The following ZXDC variants were observed in gnomAD, a reference collection of about 807,000 sequenced individuals.
ZXDC encodes ZXD family zinc finger C.
ZXDC carries 58 observed loss-of-function variants against 63.6 expected under a neutral mutation model. That is an observed-to-expected ratio of 0.91 (90% CI 0.74 to 1.13). ZXDC has a LOEUF of 1.13. Among genes scored for constraint, ZXDC ranks in the 50% most tolerant of loss-of-function variants. The pLI is 0.00. For missense variants in ZXDC, 1,133 were observed against 1,148.9 expected (o/e 0.99, Z 0.20); for synonymous variants, 561 against 496.1 (o/e 1.13, Z -1.74).
In ZXDC at chr3:126,464,649, C is replaced by T. The variant is rs143893833; in HGVS notation, c.1441+1506G>A. Among the ~76,000 whole-genome samples the T allele has an allele frequency of 5.7e-3, 860 of 152,150 alleles. 5 individuals are homozygous for T. Among genetic ancestry groups the T allele is most frequent in the Middle Eastern group, 0.044 (13 of 294 alleles). The stretch of plus-strand genomic sequence containing the variant: ...CATCTAGTATAACACTGGGCCTCTG[C>T]AGACTTCTCAATTGGCCAGGTCAGG... On this transcript the variant is annotated intron_variant, in intron 5 of 9. Coordinates refer to ENST00000389709, the MANE Select transcript of ZXDC (RefSeq NM_025112.5).
chr3:126,460,135 G>C (rs144596331), intron 6 of ZXDC: 18 of 985,406 alleles, frequency 1.8e-5, no homozygotes, highest in Non-Finnish European at 2.0e-5. Flanking sequence ...TGGCAGGCCC[G>C]GGGCAGGTCC....
intron 7 of ZXDC, chr3:126,450,146 G>C (rs1934040909): frequency 2.8e-6 from 1 of 359,068 alleles, no homozygotes; most frequent in African/African-American, 2.1e-5. Context: ...CAAGGGGTCT[G>C]AGACCCTCAC....
intron 7 of ZXDC, chr3:126,457,480 C>T (rs537603362): frequency 3.0e-6 from 3 of 985,420 alleles, no homozygotes; most frequent in Non-Finnish European, 3.6e-6. Flanking sequence ...TGACAGCAGC[C>T]TCACCCTCAC....
Position 126,459,252 on chromosome 3 carries a change from T to C in ZXDC, c.2212+401A>G, listed in dbSNP as rs954579916. On this transcript the variant is annotated intron_variant, in intron 7 of 9. Transcript: ENST00000389709. ...CCACAGGACACACAGTTTGGCTCCA[T>C]GTACACGTACCTGGGGACAGTGGCA... 3 of 985,308 alleles carry C rather than the reference T, an allele frequency of 3.0e-6. No homozygotes were observed. In the African/African-American group the frequency reaches 5.2e-5, roughly 17 times the overall value. The allele number at this position is 985,308 out of a possible 1,614,324, so 61.0% of individuals were successfully genotyped here.
rs1037501527 is a variant in ZXDC, at chr3:126,475,452, C to G, written c.414G>C (p.Val138=). The change falls in exon 1 of 10, where the codon GTG becomes GTC. Residue 138 remains valine, a synonymous_variant. Transcript: ENST00000389709. The part of the protein sequence containing the change: ...AVTISSQDLL[V]RLDRGVLALS... ...GCGCGAGGACGCCGCGGTCGAGACG[C>G]ACCAGCAGGTCCTGGCTGCTGATGG... 2.5e-6 allele frequency: 3 copies of G among 1,200,288 alleles called. No individual in the cohort carries two copies. The African/African-American group carries it at 4.8e-5, about 19-fold the overall frequency. The allele number at this position is 1,200,288 out of a possible 1,614,324, so 74.4% of individuals were successfully genotyped here. A position where few individuals can be genotyped will look rare whatever the true frequency, so the allele number is the denominator to read the frequency against.
intron 7 of ZXDC, chr3:126,453,025 TGAGA>T (rs1934167499): frequency 1.0e-6 from 1 of 985,290 alleles, no homozygotes. Context: ...GCTCTCTTTC[TGAGA>T]GATACCCTTG....
chr3:126,448,348 T>C (rs765069565), intron 7 of ZXDC, among the ~76,000 whole-genome samples: 1 of 152,234 alleles, frequency 6.6e-6, no homozygotes, highest in Non-Finnish European at 1.5e-5. Flanking sequence ...TTACAGCTGC[T>C]GGCTGGTGCG....
chr3:126,456,192 C>G (rs1040771818), intron 7 of ZXDC, among the ~76,000 whole-genome samples: 9 of 152,228 alleles, frequency 5.9e-5, no homozygotes, highest in Non-Finnish European at 1.5e-5. Context: ...TAAAGAGAAA[C>G]AGGGCACTTG....
At position 126,475,859 on chromosome 3, in the gene ZXDC, G is replaced by A. The variant is rs1176368755; in HGVS notation, c.7C>T (p.Leu3Phe). ...GTCGGGGCGGGGAGCAGCGCCGGGA[G>A]GTCCATCTTGGTCCCAGCGACGGCG... MD[L>F]PALLPAPTAR... The change falls in exon 1 of 10, where the codon CTC becomes TTC. Residue 3 changes from leucine to phenylalanine, a missense_variant. Leu to Phe is a conservative substitution (Grantham distance 22, BLOSUM62 0). Coordinates refer to ENST00000389709, the MANE Select transcript of ZXDC (RefSeq NM_025112.5). The A allele has an allele frequency of 1.9e-6, 2 of 1,076,114 alleles. No individual in the cohort carries two copies. Among genetic ancestry groups the A allele is most frequent in the Non-Finnish European group, 2.2e-6 (2 of 889,364 alleles). The allele number at this position is 1,076,114 out of a possible 1,614,324, so 66.7% of individuals were successfully genotyped here.
intron 7 of ZXDC, among the ~76,000 whole-genome samples, chr3:126,448,813 C>T (rs55715618): frequency 6.6e-6 from 1 of 151,036 alleles, no homozygotes; most frequent in South Asian, 2.1e-4. Flanking sequence ...GGCCCTGCCT[C>T]GCTCCACACA....
chr3:126,450,248 T>A, intron 7 of ZXDC: 1 of 434,588 alleles, frequency 2.3e-6, no homozygotes. Context: ...CAACCTTGGA[T>A]GCGTAAGGGT....
At position 126,439,829 on chromosome 3, in the gene ZXDC, A is replaced by G. The variant is rs1049784588; in HGVS notation, c.2395-102T>C. On this transcript the variant is annotated intron_variant, in intron 8 of 9. Coordinates refer to ENST00000389709, the MANE Select transcript of ZXDC (RefSeq NM_025112.5). ...TCCTCCAGCTGCAATGCGTGGCAGAACCAGCCCACCCCCTGTATTCCAAGG... is the reference window on the plus strand; with the variant it reads ...TCCTCCAGCTGCAATGCGTGGCAGAGCCAGCCCACCCCCTGTATTCCAAGG... 3.4e-6 allele frequency: 5 copies of G among 1,464,650 alleles called. No individual in the cohort carries two copies. The African/African-American group carries it at 4.2e-5, about 12-fold the overall frequency. 90.7% of individuals were successfully genotyped at this position (1,464,650 alleles called of 1,614,324 possible). A position where few individuals can be genotyped will look rare whatever the true frequency, so the allele number is the denominator to read the frequency against.
chr3:126,453,546 G>A (rs1934192126), intron 7 of ZXDC: 25 of 985,434 alleles, frequency 2.5e-5, no homozygotes, highest in Non-Finnish European at 2.8e-5. Flanking sequence ...ACCCTCACAT[G>A]TAATCCACAA....
chr3:126,460,831 G>A, intron 6 of ZXDC: 1 of 985,284 alleles, frequency 1.0e-6, no homozygotes, highest in Non-Finnish European at 1.2e-6. Context: ...AAAAGTTGTG[G>A]TAAAATAAGA....
chr3:126,464,544 T>C (rs72977892), intron 5 of ZXDC, among the ~76,000 whole-genome samples: 5,199 of 152,222 alleles, frequency 0.034, 296 homozygotes, highest in African/African-American at 0.12. Context: ...TAAGTCATTG[T>C]CACACAGGAA....
At chr3:126,458,042 G>C (rs11717788) in intron 7 of ZXDC, among the ~76,000 whole-genome samples, 1 of 152,028 alleles carries the variant, frequency 6.6e-6, no homozygotes, top group African/African-American at 2.4e-5. Flanking sequence ...AAACAGTCAA[G>C]AGATGATGTA....
chr3:126,441,385 T>A (rs1392167656), intron 8 of ZXDC: 3 of 1,051,574 alleles, frequency 2.9e-6, no homozygotes, highest in Non-Finnish European at 3.4e-6. Flanking sequence ...CGGAGCCCTT[T>A]TGCCCCAGCC....
At chr3:126,467,299 C>T (rs535521737) in intron 4 of ZXDC, among the ~76,000 whole-genome samples, 1 of 141,766 alleles carries the variant, frequency 7.1e-6, no homozygotes, top group African/African-American at 2.6e-5. Flanking sequence ...CAGCCTCTTA[C>T]CAGCAGTGTG....
At chr3:126,460,607 A>C in intron 6 of ZXDC, 1 of 985,396 alleles carries the variant, frequency 1.0e-6, no homozygotes, top group South Asian at 4.7e-5. Flanking sequence ...GCCACCTCCC[A>C]TCCCTGCCCA....
Sources: allele counts gnomAD v4.1 joint callset (sites outside exome capture counted in the v4.1 genomes callset), GRCh38; gene constraint gnomAD v4.1.1; transcripts MANE v1.5; gene names NCBI Gene and HGNC (gene_info 2026-07-23, HGNC 2026-07-21).